Variants in TENM4 observed in about 807,000 individuals in gnomAD.
TENM4 encodes teneurin-4.
TENM4 carries 82 observed loss-of-function variants against 243.3 expected under a neutral mutation model. The ratio of observed to expected loss-of-function variants is 0.34; its 90% CI spans 0.28 to 0.40. The LOEUF (loss-of-function observed/expected upper bound fraction) is 0.40, where lower values mean the gene tolerates loss of function less well. TENM4 is among the 10% of genes least tolerant of loss of function. TENM4 has a pLI of 1.00. For synonymous variants in TENM4, 1,412 were observed against 1,456.3 expected, an observed-to-expected ratio of 0.97 and a Z score of 0.69; for missense variants, 3,138 against 3,673.3, an observed-to-expected ratio of 0.85 and a Z score of 3.77.
chr11:78,911,895 C>T (rs1373418088), intron 6 of TENM4, among the ~76,000 whole-genome samples: 1 of 152,250 alleles, frequency 6.6e-6, no homozygotes, highest in Non-Finnish European at 1.5e-5. Context: ...CAGCCCGTGG[C>T]AGCTCAGCTT....
intron 1 of TENM4, among the ~76,000 whole-genome samples, chr11:79,379,979 C>T (rs1041271238): frequency 6.6e-6 from 1 of 152,094 alleles, no homozygotes; most frequent in Non-Finnish European, 1.5e-5. Flanking sequence ...CAGCCACTTT[C>T]GTCTGCTCTT....
At chr11:79,207,814 A>C (rs1863879165) in intron 3 of TENM4, among the ~76,000 whole-genome samples, 1 of 149,412 alleles carries the variant, frequency 6.7e-6, no homozygotes, top group Non-Finnish European at 1.5e-5. Flanking sequence ...TGCAGTGAAC[A>C]GAGATTGTGT....
At chr11:78,721,687 G>T (rs771778040) in intron 24 of TENM4, among the ~76,000 whole-genome samples, 7 of 152,208 alleles carry the variant, frequency 4.6e-5, no homozygotes, top group Non-Finnish European at 8.8e-5. Context: ...CCCAGCAAAA[G>T]TGAGTTTTCT....
At chr11:78,917,761 G>A (rs1856349992) in intron 6 of TENM4, among the ~76,000 whole-genome samples, 2 of 152,078 alleles carry the variant, frequency 1.3e-5, no homozygotes, top group African/African-American at 2.4e-5. Context: ...AAGAGTCCTC[G>A]GACATAGGTT....
At chr11:78,759,008 T>A (rs1856376227) in intron 18 of TENM4, among the ~76,000 whole-genome samples, 1 of 152,210 alleles carries the variant, frequency 6.6e-6, no homozygotes, top group South Asian at 2.1e-4. Context: ...ATCTGACACA[T>A]GGTATCATAG....
chr11:79,276,420 C>T (rs1856056989), intron 2 of TENM4, among the ~76,000 whole-genome samples: 1 of 152,176 alleles, frequency 6.6e-6, no homozygotes, highest in Non-Finnish European at 1.5e-5. Flanking sequence ...GAAGTGTTCA[C>T]AGAGGGGGAC....
chr11:78,933,730 G>A (rs1048971516), intron 6 of TENM4, among the ~76,000 whole-genome samples: 1 of 152,198 alleles, frequency 6.6e-6, no homozygotes, highest in Non-Finnish European at 1.5e-5. Context: ...CCACGTGTAA[G>A]CTGGGGGTCT....
intron 1 of TENM4, among the ~76,000 whole-genome samples, chr11:79,374,469 C>G (rs1275947140): frequency 6.6e-6 from 1 of 152,014 alleles, no homozygotes; most frequent in East Asian, 1.9e-4. Flanking sequence ...ACTGAGTGAG[C>G]ACAATTACTG....
At chr11:78,949,849 C>T (rs1237659674) in intron 6 of TENM4, among the ~76,000 whole-genome samples, 3 of 152,148 alleles carry the variant, frequency 2.0e-5, no homozygotes, top group Non-Finnish European at 4.4e-5. Flanking sequence ...AAGCACAGTA[C>T]AGAACTGGGT....
Position 79,297,515 on chromosome 11 carries a change from T to C in TENM4, c.-292A>G, listed in dbSNP as rs753699694. The C allele has an allele frequency of 1.4e-4, 22 of 152,662 alleles. No homozygotes were observed. Among genetic ancestry groups the C allele is most frequent in the Admixed American group, 3.9e-4 (6 of 15,284 alleles). The allele number at this position is 152,662 out of a possible 1,614,324, so 9.5% of individuals were successfully genotyped here. A position where few individuals can be genotyped will look rare whatever the true frequency, so the allele number is the denominator to read the frequency against. On this transcript the variant is annotated 5_prime_UTR_variant, in exon 2 of 34. It removes the in-frame stop codon of an upstream open reading frame in the 5' UTR. Transcript: ENST00000278550. ...ACCGACCAAGTGTCTGAGAGATCACTAGCCCTCTCTGATTCTCAGTTTTTC... is the reference window on the plus strand; with the variant it reads ...ACCGACCAAGTGTCTGAGAGATCACCAGCCCTCTCTGATTCTCAGTTTTTC...
At chr11:79,181,507 C>A (rs1346692954) in intron 3 of TENM4, among the ~76,000 whole-genome samples, 1 of 152,078 alleles carries the variant, frequency 6.6e-6, no homozygotes, top group Non-Finnish European at 1.5e-5. Flanking sequence ...AAATTCAAAG[C>A]TTTTCTGCTA....
In TENM4 at chr11:79,254,060, A is replaced by G. The variant is rs557902496; in HGVS notation, c.-264-38151T>C. Among the ~76,000 whole-genome samples the G allele has an allele frequency of 9.8e-4, 150 of 152,352 alleles. 4 individuals carry two copies. Among genetic ancestry groups the G allele is most frequent in the African/African-American group, 3.5e-3 (147 of 41,582 alleles). On this transcript the variant is annotated intron_variant, in intron 2 of 33. Coordinates refer to ENST00000278550, the MANE Select transcript of TENM4 (RefSeq NM_001098816.3). ...CAGTGTTTACCCACAGGAAAGGGGC[A>G]TCCTCATATGCTGTCGATGGGAGTG... is the stretch of plus-strand genomic sequence containing the variant.
At position 79,180,694 on chromosome 11, in the gene TENM4, A is replaced by C. The variant is rs543657108; in HGVS notation, c.-162-31888T>G. Among the ~76,000 whole-genome samples the C allele has an allele frequency of 3.7e-4, 56 of 151,520 alleles. 4 individuals are homozygous for C. The highest frequency in any genetic ancestry group is 7.5e-4 in the Non-Finnish European group (51 of 67,714). ...AACAATGCAGTTAAACATAAATAAG[A>C]CTGGCTGGGCATAGTGGTGTGCACC... On this transcript the variant is annotated intron_variant, in intron 3 of 33. Transcript: ENST00000278550.
At chr11:79,409,559 A>G (rs1489009348) in intron 1 of TENM4, among the ~76,000 whole-genome samples, 1 of 152,128 alleles carries the variant, frequency 6.6e-6, no homozygotes, top group Non-Finnish European at 1.5e-5. Flanking sequence ...GGGTGGAAGA[A>G]TAGCCCCCCC....
chr11:79,386,373 A>C (rs187000529), intron 1 of TENM4, among the ~76,000 whole-genome samples: 1 of 152,342 alleles, frequency 6.6e-6, no homozygotes, highest in Non-Finnish European at 1.5e-5. Flanking sequence ...CTTAAACAAG[A>C]CATAAAATGT....
chr11:78,747,645 C>A (rs1856080598), intron 19 of TENM4, among the ~76,000 whole-genome samples: 1 of 152,186 alleles, frequency 6.6e-6, no homozygotes, highest in Non-Finnish European at 1.5e-5. Context: ...CCTGTCAAGC[C>A]CCTCACTGTG....
At chr11:78,811,769 T>TC (rs34543715) in intron 14 of TENM4, among the ~76,000 whole-genome samples, 3 of 152,210 alleles carry the variant, frequency 2.0e-5, no homozygotes, top group African/African-American at 7.2e-5. Flanking sequence ...TAGCCATGTG[T>TC]CCTTGGGCAA....
At chr11:79,106,624 G>A (rs893362513) in intron 4 of TENM4, among the ~76,000 whole-genome samples, 1 of 152,218 alleles carries the variant, frequency 6.6e-6, no homozygotes, top group Non-Finnish European at 1.5e-5. Flanking sequence ...CCAACACTCA[G>A]GGCTTAGGGT....
chr11:78,655,057 T>C lies in TENM4; in HGVS notation c.*3001A>G, dbSNP rs1188429780. The C allele has an allele frequency of 1.3e-5, 2 of 152,222 alleles. No individual in the cohort carries two copies. Among genetic ancestry groups the C allele is most frequent in the African/African-American group, 4.8e-5 (2 of 41,438 alleles). 9.4% of individuals were successfully genotyped at this position (152,222 alleles called of 1,614,324 possible). A position where few individuals can be genotyped will look rare whatever the true frequency, so the allele number is the denominator to read the frequency against. On this transcript the variant is annotated 3_prime_UTR_variant, in exon 34 of 34. Transcript: ENST00000278550. ...CCGGTCCTCTCAGGATGGGAGTCGA[T>C]GCTTGGAGCCTATTACATAGGCACA... is the stretch of plus-strand genomic sequence containing the variant.
Sources: allele counts gnomAD v4.1 joint callset (sites outside exome capture counted in the v4.1 genomes callset), GRCh38; gene constraint gnomAD v4.1.1; transcripts MANE v1.5; gene names NCBI Gene and HGNC (gene_info 2026-07-23, HGNC 2026-07-21).